The following NCK1 variants were observed in gnomAD, a reference collection of about 807,000 sequenced individuals.
The protein encoded by NCK1 is SH2/SH3 adapter protein NCK1.
In NCK1, 19 loss-of-function variants were observed where a neutral mutation model predicts 36.6. That is an observed-to-expected ratio of 0.52 (90% CI 0.36 to 0.76). The LOEUF (loss-of-function observed/expected upper bound fraction) is 0.76, where lower values mean the gene tolerates loss of function less well. NCK1 is among the 30% of genes least tolerant of loss of function. The pLI is 0.00. For synonymous variants in NCK1, 165 were observed against 156.0 expected (o/e 1.06, Z -0.43); for missense variants, 358 against 445.6 (o/e 0.80, Z 1.77).
chr3:136,922,673 G>C (rs1322566390), intron 1 of NCK1, among the ~76,000 whole-genome samples: 2 of 152,172 alleles, frequency 1.3e-5, no homozygotes, highest in Non-Finnish European at 2.9e-5. Flanking sequence ...AAATCCAAAA[G>C]ATTGACAACA....
chr3:136,902,294 T>C lies in NCK1; in HGVS notation c.-18-25690T>C, dbSNP rs572196378. Among the ~76,000 whole-genome samples the C allele has an allele frequency of 2.0e-5, 3 of 150,988 alleles. No individual in the cohort carries two copies. In the South Asian group the frequency reaches 6.3e-4, roughly 32 times the overall value. ...CTTACTGCAACCTCCGCCTCCTGGGTTCAAGCAGTTCTTGTGCCTCAGCCT... is the reference window on the plus strand; with the variant it reads ...CTTACTGCAACCTCCGCCTCCTGGGCTCAAGCAGTTCTTGTGCCTCAGCCT... On this transcript the variant is annotated intron_variant, in intron 1 of 3. Coordinates refer to ENST00000481752, the MANE Select transcript of NCK1 (RefSeq NM_001291999.2).
intron 2 of NCK1, among the ~76,000 whole-genome samples, chr3:136,933,710 C>CT (rs11316539): frequency 1.9e-4 from 29 of 150,362 alleles, no homozygotes; most frequent in Admixed American, 2.6e-4. Flanking sequence ...TTTAAGTAAT[C>CT]TTTTTTTTTT....
chr3:136,877,771 T>TAGA (rs1938814777), intron 1 of NCK1, among the ~76,000 whole-genome samples: 2 of 152,132 alleles, frequency 1.3e-5, no homozygotes, highest in African/African-American at 4.8e-5. Flanking sequence ...GGAGCAAAAG[T>TAGA]AGAAAATACT....
intron 1 of NCK1, among the ~76,000 whole-genome samples, chr3:136,883,004 C>T (rs1431683412): frequency 2.0e-5 from 3 of 152,120 alleles, no homozygotes; most frequent in East Asian, 1.9e-4. Context: ...CTGCAACCTC[C>T]GCCTCCTGGG....
chr3:136,890,037 G>A (rs545893137), intron 1 of NCK1, among the ~76,000 whole-genome samples: 2 of 152,304 alleles, frequency 1.3e-5, no homozygotes, highest in South Asian at 2.1e-4. Context: ...GGGATTGGGC[G>A]CCCTGGAGCA....
At chr3:136,872,731 C>T (rs955878442) in intron 1 of NCK1, among the ~76,000 whole-genome samples, 1 of 151,992 alleles carries the variant, frequency 6.6e-6, no homozygotes, top group African/African-American at 2.4e-5. Flanking sequence ...AGCCTAGGGA[C>T]TTGGTACCCA....
At chr3:136,882,236 C>G (rs1297353490) in intron 1 of NCK1, among the ~76,000 whole-genome samples, 7 of 152,030 alleles carry the variant, frequency 4.6e-5, no homozygotes, top group African/African-American at 1.7e-4. Context: ...GGTGATATCT[C>G]TGTGGTTTTG....
At chr3:136,870,649 T>C (rs2108067055) in intron 1 of NCK1, among the ~76,000 whole-genome samples, 1 of 151,466 alleles carries the variant, frequency 6.6e-6, no homozygotes, top group African/African-American at 2.4e-5. Flanking sequence ...GGAAATCAGT[T>C]ACTTTATTTT....
intron 3 of NCK1, among the ~76,000 whole-genome samples, chr3:136,947,828 C>CA (rs1940867631): frequency 6.6e-6 from 1 of 152,148 alleles, no homozygotes; most frequent in African/African-American, 2.4e-5. Flanking sequence ...CATGTTATCT[C>CA]TAAGACAGCT....
At chr3:136,926,665 T>C (rs1299851679) in intron 1 of NCK1, among the ~76,000 whole-genome samples, 1 of 152,232 alleles carries the variant, frequency 6.6e-6, no homozygotes, top group African/African-American at 2.4e-5. Flanking sequence ...CGATGTATAG[T>C]TTTTAAAATT....
At chr3:136,939,518 C>T (rs1940615632) in intron 2 of NCK1, among the ~76,000 whole-genome samples, 1 of 151,492 alleles carries the variant, frequency 6.6e-6, no homozygotes, top group Non-Finnish European at 1.5e-5. Flanking sequence ...TTTTCTTTTC[C>T]AGTTCCTTAA....
At chr3:136,935,123 AC>A in intron 2 of NCK1, among the ~76,000 whole-genome samples, 1 of 151,726 alleles carries the variant, frequency 6.6e-6, no homozygotes, top group East Asian at 1.9e-4. Context: ...CTGGTCTTGA[AC>A]TCCTGGCCTC....
At chr3:136,903,369 T>G (rs1356272051) in intron 1 of NCK1, among the ~76,000 whole-genome samples, 1 of 152,168 alleles carries the variant, frequency 6.6e-6, no homozygotes, top group Non-Finnish European at 1.5e-5. Context: ...TTGTAGGTAG[T>G]ATATAGGTGG....
At chr3:136,882,064 T>C (rs1435598529) in intron 1 of NCK1, among the ~76,000 whole-genome samples, 1 of 152,192 alleles carries the variant, frequency 6.6e-6, no homozygotes, top group African/African-American at 2.4e-5. Context: ...CTGGATTATA[T>C]GGTAAACTAT....
chr3:136,921,826 C>G (rs1420101454), intron 1 of NCK1, among the ~76,000 whole-genome samples: 2 of 152,190 alleles, frequency 1.3e-5, no homozygotes, highest in Non-Finnish European at 2.9e-5. Context: ...TCTCTGTCAC[C>G]AGGCTGGAGT....
At chr3:136,893,147 A>AGTTGT (rs1553793928) in intron 1 of NCK1, among the ~76,000 whole-genome samples, 1 of 41,890 alleles carries the variant, frequency 2.4e-5, no homozygotes, top group African/African-American at 8.0e-5. Flanking sequence ...AATATTCCAT[A>AGTTGT]GTGTGTGTGT....
rs1410486063 is a variant in NCK1 at position 136,945,881 on chromosome 3, G to C, written c.525G>C (p.Leu175=). The change falls in exon 3 of 4, where the codon CTG becomes CTC. Residue 175 remains leucine (L), a synonymous_variant. Coordinates refer to ENST00000481752, the MANE Select transcript of NCK1 (RefSeq NM_001291999.2). ...DSPLGDHVGS[L]SEKLAAVVNN... ...CTTTGGGTGACCATGTGGGTTCTCTGTCAGAGAAATTAGCAGCAGTCGTCA... is the reference window on the plus strand; with the variant it reads ...CTTTGGGTGACCATGTGGGTTCTCTCTCAGAGAAATTAGCAGCAGTCGTCA... 3.4e-5 allele frequency: 55 copies of C among 1,613,986 alleles called. 1 individual carries two copies. In the Admixed American group the frequency reaches 9.0e-4, roughly 26 times the overall value.
At chr3:136,884,118 C>T (rs964161841) in intron 1 of NCK1, among the ~76,000 whole-genome samples, 8 of 151,954 alleles carry the variant, frequency 5.3e-5, no homozygotes, top group Non-Finnish European at 7.4e-5. Flanking sequence ...TAATAATGAA[C>T]GAGCTATCTA....
rs1938454063 is a variant in NCK1 at position 136,867,105 on chromosome 3, TTTC to T, written c.-19+4755_-19+4757del. Among the ~76,000 whole-genome samples the T allele has an allele frequency of 2.8e-4, 10 of 35,956 alleles. 1 individual carries two copies. Among genetic ancestry groups the T allele is most frequent in the African/African-American group, 9.4e-4 (9 of 9,536 alleles). 23.6% of individuals were successfully genotyped at this position (35,956 alleles called of 152,430 possible). On this transcript the variant is annotated intron_variant, in intron 1 of 3. Transcript: ENST00000481752. ...CTTTCTTTCTTTCTTTCTTTCTTTC[TTTC>T]TTTCTTTCTTTGTTTCTTTCTTTCC...
Sources: gnomAD v4.1 joint callset for allele counts (sites outside exome capture counted in the v4.1 genomes callset) on GRCh38, gnomAD v4.1.1 for gene constraint, MANE v1.5 for transcripts, NCBI Gene and HGNC (gene_info 2026-07-23, HGNC 2026-07-21) for gene names.